TNIK: variants seen among roughly 807,000 people sequenced by gnomAD.
TNIK encodes TRAF2 and NCK interacting kinase, also known as TRAF2 and NCK-interacting protein kinase.
A neutral mutation model predicts 191.3 loss-of-function variants in TNIK; 49 were observed. The observed-to-expected ratio is 0.26, with a 90% CI of 0.20 to 0.32. The LOEUF is 0.32. Ranked by LOEUF, TNIK falls within the 10% of genes least tolerant of loss-of-function variation. The probability of loss-of-function intolerance (pLI) is 1.00; values close to 1 mark genes in which losing one functional copy is unlikely to be tolerated. For missense variants in TNIK, 1,155 were observed against 1,702.3 expected, an observed-to-expected ratio of 0.68 and a Z score of 5.66; for synonymous variants, 594 against 600.9, an observed-to-expected ratio of 0.99 and a Z score of 0.17.
chr3:171,422,336 A>G (rs1723921413), intron 1 of TNIK, among the ~76,000 whole-genome samples: 1 of 152,170 alleles, frequency 6.6e-6, no homozygotes, highest in Non-Finnish European at 1.5e-5. Context: ...CCTTACACAT[A>G]CTTACACACA....
At chr3:171,147,067 A>G (rs1220553165) in intron 12 of TNIK, among the ~76,000 whole-genome samples, 1 of 152,162 alleles carries the variant, frequency 6.6e-6, no homozygotes, top group Admixed American at 6.5e-5. Flanking sequence ...AACCATTCAG[A>G]GTGAAACGAA....
At chr3:171,373,895 G>A (rs143157941) in intron 1 of TNIK, among the ~76,000 whole-genome samples, 70 of 152,216 alleles carry the variant, frequency 4.6e-4, no homozygotes, top group African/African-American at 1.3e-3. Flanking sequence ...CTCTGCAGCC[G>A]CAATATGTTG....
chr3:171,218,772 G>T (rs1741781981), intron 3 of TNIK, among the ~76,000 whole-genome samples: 2 of 140,870 alleles, frequency 1.4e-5, no homozygotes, highest in African/African-American at 2.6e-5. Flanking sequence ...TTATATACAT[G>T]TATTATATGC....
At chr3:171,320,846 C>T (rs1178599984) in intron 2 of TNIK, among the ~76,000 whole-genome samples, 1 of 152,170 alleles carries the variant, frequency 6.6e-6, no homozygotes, top group African/African-American at 2.4e-5. Context: ...TGAGAGAAAA[C>T]ACATAGTTGG....
At chr3:171,199,209 A>AC (rs922816890) in intron 4 of TNIK, among the ~76,000 whole-genome samples, 13 of 151,702 alleles carry the variant, frequency 8.6e-5, no homozygotes, top group African/African-American at 3.2e-4. Flanking sequence ...GGGATTTAAA[A>AC]AAAAAAAAGA....
Position 171,218,800 on chromosome 3 carries a change from T to C in TNIK, c.181-7559A>G, listed in dbSNP as rs1741788400. Among the ~76,000 whole-genome samples, 5 of 141,528 alleles carry C rather than the reference T, an allele frequency of 3.5e-5. No individual in the cohort carries two copies. In the South Asian group the frequency reaches 1.1e-3, roughly 30 times the overall value. The allele number at this position is 141,528 out of a possible 152,430, so 92.8% of individuals were successfully genotyped here. A position where few individuals can be genotyped will look rare whatever the true frequency, so the allele number is the denominator to read the frequency against. On this transcript the variant is annotated intron_variant, in intron 3 of 32. Transcript: ENST00000436636. ...TTATATGCATATCATTTACATATTA[T>C]ATATTAAATACATATTTTTATATAT...
At chr3:171,153,371 C>T (rs1269208631) in intron 12 of TNIK, among the ~76,000 whole-genome samples, 1 of 151,948 alleles carries the variant, frequency 6.6e-6, no homozygotes, top group Non-Finnish European at 1.5e-5. Flanking sequence ...ATTTTTGACC[C>T]CTCTTCTATG....
At chr3:171,222,018 A>T (rs1369900253) in intron 3 of TNIK, among the ~76,000 whole-genome samples, 1 of 152,142 alleles carries the variant, frequency 6.6e-6, no homozygotes, top group African/African-American at 2.4e-5. Context: ...AGGACCTATT[A>T]TGTGTCAGGT....
intron 2 of TNIK, among the ~76,000 whole-genome samples, chr3:171,281,072 C>T (rs931319353): frequency 1.3e-5 from 2 of 151,896 alleles, no homozygotes; most frequent in African/African-American, 4.8e-5. Flanking sequence ...TAGTATTAAA[C>T]AAAAATAGAT....
chr3:171,272,206 G>A (rs969615764), intron 2 of TNIK, among the ~76,000 whole-genome samples: 3 of 152,182 alleles, frequency 2.0e-5, no homozygotes, highest in African/African-American at 7.2e-5. Context: ...CATCCCACCC[G>A]ACTGGAGCCA....
chr3:171,252,129 A>G (rs1488760528), intron 2 of TNIK, among the ~76,000 whole-genome samples: 1 of 151,928 alleles, frequency 6.6e-6, no homozygotes, highest in African/African-American at 2.4e-5. Flanking sequence ...ACAATCTCCT[A>G]TGTTACCTTC....
chr3:171,096,990 T>A (rs1722815529), intron 22 of TNIK, among the ~76,000 whole-genome samples: 1 of 152,238 alleles, frequency 6.6e-6, no homozygotes, highest in South Asian at 2.1e-4. Flanking sequence ...TTTTACAATT[T>A]TATGAAGTTG....
At chr3:171,065,398 G>C (rs1718307731) in intron 32 of TNIK, among the ~76,000 whole-genome samples, 1 of 152,152 alleles carries the variant, frequency 6.6e-6, no homozygotes, top group African/African-American at 2.4e-5. Flanking sequence ...TGGACAAAGG[G>C]ATATACAAAA....
intron 15 of TNIK, 112 bp downstream of exon 15, chr3:171,138,079 G>T: frequency 9.8e-7 from 1 of 1,015,574 alleles, no homozygotes; most frequent in Non-Finnish European, 1.3e-6. Flanking sequence ...TGTGTCTTAT[G>T]ATGAATTGTT....
At chr3:171,234,760 G>A (rs1362400989) in intron 2 of TNIK, among the ~76,000 whole-genome samples, 2 of 152,188 alleles carry the variant, frequency 1.3e-5, no homozygotes, top group East Asian at 1.9e-4. Context: ...TGCAGATTCC[G>A]TGGCAGGGAG....
At chr3:171,244,062 T>TTTG (rs1315829072) in intron 2 of TNIK, among the ~76,000 whole-genome samples, 1 of 129,954 alleles carries the variant, frequency 7.7e-6, no homozygotes, top group Non-Finnish European at 1.6e-5. Flanking sequence ...CAGAAATAGT[T>TTTG]TTTTTTTTTT....
chr3:171,090,431 T>C (rs1046680245), intron 23 of TNIK, among the ~76,000 whole-genome samples: 4 of 151,130 alleles, frequency 2.6e-5, no homozygotes, highest in African/African-American at 4.9e-5. Flanking sequence ...TTCTTTCTTT[T>C]TTTTTTTTTT....
intron 1 of TNIK, among the ~76,000 whole-genome samples, chr3:171,398,840 T>C (rs954365960): frequency 2.6e-4 from 40 of 152,274 alleles, no homozygotes; most frequent in Middle Eastern, 3.4e-3. Context: ...GGAACATTTT[T>C]CCCCTCCGTA....
intron 28 of TNIK, among the ~76,000 whole-genome samples, chr3:171,073,095 A>C (rs1441362978): frequency 1.3e-5 from 2 of 152,252 alleles, no homozygotes; most frequent in African/African-American, 4.8e-5. Flanking sequence ...TAGCCAAAGC[A>C]ATCCTAAGCT....
Sources: gnomAD v4.1 joint callset for allele counts (sites outside exome capture counted in the v4.1 genomes callset) on GRCh38, gnomAD v4.1.1 for gene constraint, MANE v1.5 for transcripts, NCBI Gene and HGNC (gene_info 2026-07-23, HGNC 2026-07-21) for gene names.